Variants in PPEF1 observed in about 807,000 individuals in gnomAD.
PPEF1 encodes the protein protein phosphatase with EF-hand domain 1.
PPEF1 carries 12 observed loss-of-function variants against 53.3 expected under a neutral mutation model. The observed-to-expected ratio is 0.23, with a 90% CI of 0.14 to 0.36. PPEF1 has a LOEUF of 0.36. Among genes scored for constraint, PPEF1 ranks in the 10% least tolerant of loss-of-function variants. The pLI is 1.00. For missense variants in PPEF1, 334 were observed against 490.4 expected, an observed-to-expected ratio of 0.68 and a Z score of 3.01; for synonymous variants, 165 against 176.7, an observed-to-expected ratio of 0.93 and a Z score of 0.52.
intron 1 of PPEF1, among the ~76,000 whole-genome samples, chrX:18,716,638 C>T (rs1193079124): frequency 2.7e-5 from 3 of 109,864 alleles, no homozygotes; most frequent in African/African-American, 9.9e-5. Context: ...ATTTGAAGTC[C>T]TTTACTGTGA....
intron 6 of PPEF1, among the ~76,000 whole-genome samples, chrX:18,763,028 G>C (rs150123962): frequency 1.7e-4 from 19 of 111,711 alleles, no homozygotes; most frequent in Non-Finnish European, 2.4e-4. Context: ...CTCAAAATTA[G>C]AAAGTTTTCC....
intron 6 of PPEF1, among the ~76,000 whole-genome samples, chrX:18,777,812 C>T (rs992600243): frequency 9.0e-6 from 1 of 110,742 alleles, no homozygotes; most frequent in Non-Finnish European, 1.9e-5. Flanking sequence ...GTGGTGCAAT[C>T]CTGGTTCATT....
chrX:18,785,978 T>G (rs2046189942), intron 9 of PPEF1, among the ~76,000 whole-genome samples: 1 of 112,007 alleles, frequency 8.9e-6, no homozygotes, highest in Non-Finnish European at 1.9e-5. Context: ...CAATAAGACA[T>G]TTTGATCAAG....
chrX:18,712,124 G>T (rs2044345444), intron 1 of PPEF1, among the ~76,000 whole-genome samples: 1 of 111,826 alleles, frequency 8.9e-6, no homozygotes, highest in Admixed American at 9.5e-5. Flanking sequence ...TCTTTTTCAA[G>T]ATTATTTTGG....
chrX:18,827,567 A>G lies in PPEF1; in HGVS notation c.*80A>G. On this transcript the variant is annotated 3_prime_UTR_variant, in exon 16 of 16. Transcript: ENST00000470157. ...GTACAGTCCTTTCCAACACCCCTGA[A>G]ATTCATAGTCAGTAGCAGAGAAAAG... The G allele has an allele frequency of 2.5e-6, 2 of 807,890 alleles. No homozygotes were observed. Among genetic ancestry groups the G allele is most frequent in the Non-Finnish European group, 3.6e-6 (2 of 550,958 alleles). 66.6% of individuals were successfully genotyped at this position (807,890 alleles called of 1,213,427 possible).
chrX:18,713,402 G>A (rs1478051264), intron 1 of PPEF1, among the ~76,000 whole-genome samples: 1 of 97,785 alleles, frequency 1.0e-5, no homozygotes, highest in East Asian at 3.3e-4. Flanking sequence ...TACTTGTTCA[G>A]AGTATTCCCT....
At chrX:18,824,733 G>A (rs113931983) in intron 14 of PPEF1, among the ~76,000 whole-genome samples, 2,968 of 109,334 alleles carry the variant, frequency 0.027, 106 homozygotes, top group African/African-American at 0.093. Flanking sequence ...GTGCAGTCTC[G>A]GCTCACTGCA....
intron 6 of PPEF1, among the ~76,000 whole-genome samples, chrX:18,778,468 C>T (rs1472982928): frequency 9.0e-6 from 1 of 111,362 alleles, no homozygotes; most frequent in African/African-American, 3.3e-5. Flanking sequence ...ATCCGAGCTG[C>T]TCAGTCACAT....
At chrX:18,692,402 A>T (rs1929447949) in intron 4 of PPEF1, among the ~76,000 whole-genome samples, 1 of 112,256 alleles carries the variant, frequency 8.9e-6, no homozygotes. Flanking sequence ...AGCACCTAGC[A>T]TAGTGCCTGG....
At chrX:18,681,360 G>A (rs1366400420), upstream of PPEF1, among the ~76,000 whole-genome samples, 1 of 112,106 alleles carries the variant, frequency 8.9e-6, no homozygotes, top group Non-Finnish European at 1.9e-5. Flanking sequence ...GATCCATGAG[G>A]GCATGGATTT....
intron 3 of PPEF1, among the ~76,000 whole-genome samples, chrX:18,747,660 G>A (rs1265753000): frequency 9.0e-6 from 1 of 111,483 alleles, no homozygotes; most frequent in Non-Finnish European, 1.9e-5. Context: ...TTTTTGTAGA[G>A]ACGAGGTTTC....
chrX:18,770,967 A>T (rs1046810207), intron 6 of PPEF1, among the ~76,000 whole-genome samples: 1 of 112,549 alleles, frequency 8.9e-6, no homozygotes, highest in Admixed American at 9.4e-5. Flanking sequence ...TTGGCTATAC[A>T]CTGCAGTCAC....
At chrX:18,718,114 AAAAC>A (rs1321971306) in intron 1 of PPEF1, among the ~76,000 whole-genome samples, 1 of 112,168 alleles carries the variant, frequency 8.9e-6, no homozygotes, top group Non-Finnish European at 1.9e-5. Context: ...CAGACAAAAC[AAAAC>A]AAACCCATCC....
Position 18,824,021 on chromosome X carries a change from C to A in PPEF1, c.1600C>A (p.Gln534Lys). 1 of 1,206,208 alleles carries A rather than the reference C, an allele frequency of 8.3e-7. No individual in the cohort carries two copies. Among genetic ancestry groups the A allele is most frequent in the East Asian group, 3.0e-5 (1 of 33,727 alleles). Reference sequence around the variant, plus strand: ...CAGTTCGAATCTGGTAAACATAGACCAAAATGGAAACGTTGAATACATGTC... The same window carrying A: ...CAGTTCGAATCTGGTAAACATAGACAAAAATGGAAACGTTGAATACATGTC... ...SLSSNLVNID[Q>K]NGNVEYMSSF... The change falls in exon 14 of 16, where the codon CAA becomes AAA. Residue 534 changes from glutamine (Q) to lysine (K), a missense_variant. Physicochemically the swap from Gln to Lys is moderately conservative, Grantham distance 53 (BLOSUM62 1). Coordinates refer to ENST00000470157, the MANE Select transcript of PPEF1 (RefSeq NM_001377996.1).
intron 1 of PPEF1, among the ~76,000 whole-genome samples, chrX:18,713,531 CTTG>C (rs1466191700): frequency 1.9e-5 from 2 of 103,675 alleles, no homozygotes; most frequent in Admixed American, 2.2e-4. Context: ...TCTTTTATCT[CTTG>C]TTGGATATGC....
At chrX:18,684,985 A>C (rs1180314630) in intron 2 of PPEF1, among the ~76,000 whole-genome samples, 2 of 112,148 alleles carry the variant, frequency 1.8e-5, no homozygotes, top group Non-Finnish European at 3.8e-5. Flanking sequence ...ACACAGAACA[A>C]TTTGACTACT....
intron 2 of PPEF1, among the ~76,000 whole-genome samples, chrX:18,731,975 C>T (rs990925822): frequency 8.9e-6 from 1 of 112,255 alleles, no homozygotes; most frequent in Non-Finnish European, 1.9e-5. Flanking sequence ...CAACCTCCGC[C>T]TCCCAGGTTC....
intron 3 of PPEF1, among the ~76,000 whole-genome samples, chrX:18,686,449 C>T (rs1282435599): frequency 9.0e-6 from 1 of 111,232 alleles, no homozygotes; most frequent in Non-Finnish European, 1.9e-5. Context: ...TTTAGCTATA[C>T]GCCCACCCCA....
At chrX:18,783,674 C>T (rs1002666082) in intron 8 of PPEF1, among the ~76,000 whole-genome samples, 11 of 108,418 alleles carry the variant, frequency 1.0e-4, no homozygotes, top group African/African-American at 3.4e-5. Context: ...GCCAAGGTGG[C>T]GCCACTGCAC....
Sources: gnomAD v4.1 joint callset for allele counts (sites outside exome capture counted in the v4.1 genomes callset) on GRCh38, gnomAD v4.1.1 for gene constraint, MANE v1.5 for transcripts, NCBI Gene and HGNC (gene_info 2026-07-23, HGNC 2026-07-21) for gene names.